The following RGS7 variants were observed in gnomAD, a reference collection of about 807,000 sequenced individuals.
The protein encoded by RGS7 is regulator of G-protein signaling 7.
RGS7 carries 27 observed loss-of-function variants against 81.1 expected under a neutral mutation model. The observed-to-expected ratio is 0.33, with a 90% confidence interval of 0.25 to 0.46. The LOEUF (loss-of-function observed/expected upper bound fraction) is 0.46, where lower values mean the gene tolerates loss of function less well. Ranked by LOEUF, RGS7 falls within the 20% of genes least tolerant of loss-of-function variation. The probability of loss-of-function intolerance (pLI) is 1.00; values close to 1 mark genes in which losing one functional copy is unlikely to be tolerated. For missense variants in RGS7, 396 were observed against 607.4 expected, an observed-to-expected ratio of 0.65 and a Z score of 3.66; for synonymous variants, 208 against 207.7, an observed-to-expected ratio of 1.00 and a Z score of -0.01.
intron 2 of RGS7, among the ~76,000 whole-genome samples, chr1:241,309,790 G>A (rs1042946282): frequency 6.6e-6 from 1 of 152,226 alleles, no homozygotes; most frequent in Non-Finnish European, 1.5e-5. Context: ...TAGGAGGCAA[G>A]GCAAAATGCA....
chr1:241,011,070 T>A (rs1357271347), intron 3 of RGS7, among the ~76,000 whole-genome samples: 1 of 152,186 alleles, frequency 6.6e-6, no homozygotes, highest in Non-Finnish European at 1.5e-5. Context: ...AAAGAAAGTT[T>A]GTCTCAAGCA....
chr1:241,064,438 A>T (rs1436984604), intron 3 of RGS7, among the ~76,000 whole-genome samples: 2 of 151,212 alleles, frequency 1.3e-5, no homozygotes, highest in Non-Finnish European at 3.0e-5. Flanking sequence ...AAAAAAAAAA[A>T]AAAATCAGCC....
chr1:241,000,234 G>T (rs930952619), intron 3 of RGS7, among the ~76,000 whole-genome samples: 1 of 152,192 alleles, frequency 6.6e-6, no homozygotes, highest in Non-Finnish European at 1.5e-5. Context: ...TCTCATTCCT[G>T]ACAAGAAGCA....
chr1:241,160,133 AAAAG>A (rs1191452479), intron 2 of RGS7, among the ~76,000 whole-genome samples: 5 of 151,314 alleles, frequency 3.3e-5, no homozygotes, highest in African/African-American at 1.2e-4. Context: ...AAAAAAAAGA[AAAAG>A]AAAAAGAAAA....
At chr1:240,916,181 G>A (rs1672579868) in intron 6 of RGS7, among the ~76,000 whole-genome samples, 1 of 150,164 alleles carries the variant, frequency 6.7e-6, no homozygotes, top group African/African-American at 2.4e-5. Flanking sequence ...AGGAGGCTGA[G>A]CATGAGAATT....
At chr1:241,264,263 C>T (rs1388295692) in intron 2 of RGS7, among the ~76,000 whole-genome samples, 1 of 152,078 alleles carries the variant, frequency 6.6e-6, no homozygotes, top group African/African-American at 2.4e-5. Flanking sequence ...TTTGGGAGGC[C>T]AAGGTGGGCA....
chr1:240,998,573 T>C (rs1572188011), intron 3 of RGS7: 1 of 827,560 alleles, frequency 1.2e-6, no homozygotes, highest in Non-Finnish European at 2.1e-6. Context: ...CTGGTACAGA[T>C]AGAGCCAGCT....
intron 2 of RGS7, among the ~76,000 whole-genome samples, chr1:241,316,703 T>C (rs1419362387): frequency 1.3e-5 from 2 of 152,190 alleles, no homozygotes; most frequent in Non-Finnish European, 2.9e-5. Flanking sequence ...TTATCATAGA[T>C]ATTGGCCTGT....
intron 3 of RGS7, among the ~76,000 whole-genome samples, chr1:241,037,767 C>T (rs1213886867): frequency 1.3e-5 from 2 of 150,938 alleles, no homozygotes; most frequent in Non-Finnish European, 2.9e-5. Context: ...ATATGTACAC[C>T]GTGGAACACT....
chr1:240,985,668 A>C (rs1239010724), intron 3 of RGS7, among the ~76,000 whole-genome samples: 1 of 152,032 alleles, frequency 6.6e-6, no homozygotes, highest in Non-Finnish European at 1.5e-5. Context: ...CAGCATATTT[A>C]TGGTTTTAGG....
chr1:240,841,914 ACAT>A (rs1297607682), intron 9 of RGS7, among the ~76,000 whole-genome samples: 7 of 152,174 alleles, frequency 4.6e-5, no homozygotes, highest in African/African-American at 1.7e-4. Flanking sequence ...AAGACAAATA[ACAT>A]GATGACAAAC....
At chr1:241,101,764 C>G (rs938732798) in intron 2 of RGS7, among the ~76,000 whole-genome samples, 2 of 152,116 alleles carry the variant, frequency 1.3e-5, no homozygotes, top group African/African-American at 4.8e-5. Flanking sequence ...GCCTCTAAAC[C>G]CTTGTATTAT....
chr1:240,952,414 T>C (rs1258340771), intron 4 of RGS7, among the ~76,000 whole-genome samples: 3 of 152,022 alleles, frequency 2.0e-5, no homozygotes, highest in Non-Finnish European at 2.9e-5. Flanking sequence ...TATGAAACAG[T>C]ATAGTGTAAT....
intron 3 of RGS7, among the ~76,000 whole-genome samples, chr1:241,053,822 A>AT (rs1345037807): frequency 2.0e-5 from 3 of 152,158 alleles, no homozygotes; most frequent in Non-Finnish European, 4.4e-5. Context: ...AGATCTGATG[A>AT]TTTTAAAAGG....
chr1:241,304,949 CCT>C (rs2079997531), intron 2 of RGS7, among the ~76,000 whole-genome samples: 1 of 151,900 alleles, frequency 6.6e-6, no homozygotes, highest in Admixed American at 6.6e-5. Flanking sequence ...CTGTTGTAAC[CCT>C]CTCTTGAGCT....
chr1:241,108,784 C>T (rs745657699), intron 2 of RGS7, among the ~76,000 whole-genome samples: 40 of 152,098 alleles, frequency 2.6e-4, no homozygotes, highest in Admixed American at 3.9e-4. Flanking sequence ...GCTTCATCTT[C>T]GGCGTCAAGA....
intron 2 of RGS7, among the ~76,000 whole-genome samples, chr1:241,162,824 G>A (rs192176197): frequency 6.6e-6 from 1 of 152,072 alleles, no homozygotes; most frequent in Non-Finnish European, 1.5e-5. Flanking sequence ...TTTCTTCCCC[G>A]AGTTCACACA....
At chr1:241,136,661 C>T (rs61307043) in intron 2 of RGS7, among the ~76,000 whole-genome samples, 10,619 of 152,234 alleles carry the variant, frequency 0.07, 1,189 homozygotes, top group African/African-American at 0.23. Context: ...TTCTCTTTTG[C>T]AGAGAACAAA....
chr1:241,353,425 A>T (rs6429258), intron 2 of RGS7, among the ~76,000 whole-genome samples: 1 of 152,214 alleles, frequency 6.6e-6, no homozygotes, highest in Non-Finnish European at 1.5e-5. Flanking sequence ...GATAACTAGC[A>T]AATGATAAGC....
Sources: gnomAD v4.1 joint callset for allele counts (sites outside exome capture counted in the v4.1 genomes callset) on GRCh38, gnomAD v4.1.1 for gene constraint, MANE v1.5 for transcripts, NCBI Gene and HGNC (gene_info 2026-07-23, HGNC 2026-07-21) for gene names.